The following PTK2 variants were observed in gnomAD, a reference collection of about 807,000 sequenced individuals.
The protein encoded by PTK2 is protein tyrosine kinase 2.
PTK2 carries 45 observed loss-of-function variants against 150.1 expected under a neutral mutation model. That is an observed-to-expected ratio of 0.30 (90% CI 0.24 to 0.38). PTK2 has a LOEUF of 0.38. Ranked by LOEUF, PTK2 falls within the 10% of genes least tolerant of loss-of-function variation. The pLI is 1.00. For missense variants in PTK2, 919 were observed against 1,307.3 expected (o/e 0.70, Z 4.58); for synonymous variants, 432 against 449.2 (o/e 0.96, Z 0.48).
At position 140,799,910 on chromosome 8, in the gene PTK2, T is replaced by C. The variant is rs538229362; in HGVS notation, c.1093+549A>G. Among the ~76,000 whole-genome samples the C allele has an allele frequency of 1.2e-4, 19 of 152,324 alleles. No homozygotes were observed. In the South Asian group the frequency reaches 3.7e-3, roughly 30 times the overall value. On this transcript the variant is annotated intron_variant, in intron 12 of 31. Coordinates refer to ENST00000522684, the Ensembl canonical transcript of PTK2. Reference sequence around the variant, plus strand: ...TATTTTCATTTGATTCTTTCAGAAATCCAAATCCTCAAAAGCATTCCTCAT... The same window carrying C: ...TATTTTCATTTGATTCTTTCAGAAACCCAAATCCTCAAAAGCATTCCTCAT...
At chr8:140,667,462 CTCTCTTTT>C (rs1423942556) in intron 30 of PTK2, among the ~76,000 whole-genome samples, 2 of 96,726 alleles carry the variant, frequency 2.1e-5, no homozygotes, top group Non-Finnish European at 4.6e-5. Flanking sequence ...CTCTCTCTCT[CTCTCTTTT>C]TTTTTTTTTT....
At chr8:140,706,808 G>A (rs2100034064) in intron 23 of PTK2, among the ~76,000 whole-genome samples, 1 of 152,156 alleles carries the variant, frequency 6.6e-6, no homozygotes, top group Non-Finnish European at 1.5e-5. Context: ...AAGTGAGAGA[G>A]TTGCTTGAGC....
chr8:140,988,839 T>C (rs1443465038), intron 1 of PTK2, among the ~76,000 whole-genome samples: 3 of 152,130 alleles, frequency 2.0e-5, no homozygotes, highest in East Asian at 3.9e-4. Context: ...ATAAATGGTG[T>C]TGGGATAACT....
rs2100031474 is a variant in PTK2, at chr8:140,702,746, A to G, written c.2230-39T>C. 2.5e-6 allele frequency: 4 copies of G among 1,602,362 alleles called. No individual in the cohort carries two copies. In the South Asian group the frequency reaches 3.3e-5, roughly 13 times the overall value. The stretch of plus-strand genomic sequence containing the variant: ...AGGAGGCAAGGTAATGTTCAACTAT[A>G]ACATCTGCACAGTTCTGCTTCACAC... On this transcript the variant is annotated intron_variant, in intron 24 of 31. Transcript: ENST00000522684.
chr8:140,879,757 A>C, intron 3 of PTK2, 120 bp from the exon 4 acceptor site: 1 of 841,466 alleles, frequency 1.2e-6, no homozygotes, highest in South Asian at 3.9e-5. Context: ...AAGTAATGCA[A>C]TGTTCATTTC....
intron 26 of PTK2, 131 bp downstream of exon 29, chr8:140,700,760 T>C (rs2100029762): frequency 1.6e-6 from 2 of 1,270,376 alleles, no homozygotes; most frequent in Non-Finnish European, 2.1e-6. Flanking sequence ...GCCTGGCCTA[T>C]TCCAAGTTTT....
rs530804046 is a variant in PTK2 at position 140,684,802 on chromosome 8, G to A, written c.2562+1830C>T. ...ATACCGCCCAAAGTATGGTCGTACC[G>A]CCCAATGGTCATACCGCCCAAAGCT... is the stretch of plus-strand genomic sequence containing the variant. On this transcript the variant is annotated intron_variant, in intron 27 of 31. Coordinates refer to ENST00000522684, the Ensembl canonical transcript of PTK2. Among the ~76,000 whole-genome samples the A allele has an allele frequency of 2.4e-3, 370 of 152,094 alleles. 1 individual carries two copies. The highest frequency in any genetic ancestry group is 4.3e-3 in the Non-Finnish European group (294 of 67,968).
intron 2 of PTK2, among the ~76,000 whole-genome samples, chr8:140,909,382 G>C (rs2100162184): frequency 6.6e-6 from 1 of 152,122 alleles, no homozygotes; most frequent in East Asian, 1.9e-4. Flanking sequence ...TAGATTACAG[G>C]ACAGCTAAAA....
At chr8:140,979,665 C>A (rs2100190652) in intron 1 of PTK2, among the ~76,000 whole-genome samples, 2 of 152,168 alleles carry the variant, frequency 1.3e-5, no homozygotes, top group African/African-American at 4.8e-5. Flanking sequence ...TCCCACAATT[C>A]CTATGTGTTG....
chr8:140,820,076 GTTTTTTTTTTTTTTTTTTTTTTTTTT>G (rs370537018), intron 8 of PTK2, among the ~76,000 whole-genome samples: 32 of 50,256 alleles, frequency 6.4e-4, no homozygotes, highest in East Asian at 2.5e-3. Flanking sequence ...TCTGACTTTG[GTTTTTTTTTTTTTTTTTTTTTTTTTT>G]TTTTTTTTTT....
chr8:140,944,979 C>G (rs1260785833), intron 1 of PTK2, among the ~76,000 whole-genome samples: 1 of 152,150 alleles, frequency 6.6e-6, no homozygotes, highest in African/African-American at 2.4e-5. Context: ...GAAAGTTGTG[C>G]TTACATGCCT....
chr8:140,965,608 G>A (rs1324810696), intron 1 of PTK2, among the ~76,000 whole-genome samples: 1 of 152,192 alleles, frequency 6.6e-6, no homozygotes, highest in African/African-American at 2.4e-5. Flanking sequence ...CAGGCGTGGT[G>A]GCTCACGCCT....
chr8:140,815,035 A>C (rs1420800596), intron 10 of PTK2, among the ~76,000 whole-genome samples: 1 of 152,112 alleles, frequency 6.6e-6, no homozygotes, highest in Non-Finnish European at 1.5e-5. Context: ...TGGCCTCCCA[A>C]AGTGCTGGGA....
At chr8:140,792,981 TAAAC>T (rs1188980541) in intron 13 of PTK2, among the ~76,000 whole-genome samples, 1 of 152,178 alleles carries the variant, frequency 6.6e-6, no homozygotes, top group East Asian at 1.9e-4. Flanking sequence ...AATTAGGAAA[TAAAC>T]AAGAAAATTA....
chr8:140,942,317 C>T (rs916120165), intron 1 of PTK2, among the ~76,000 whole-genome samples: 12 of 152,154 alleles, frequency 7.9e-5, no homozygotes, highest in Admixed American at 2.0e-4. Context: ...TTATTTATAA[C>T]GCTGATAAAA....
intron 1 of PTK2, among the ~76,000 whole-genome samples, chr8:140,926,616 A>G (rs1357600317): frequency 6.6e-6 from 1 of 152,210 alleles, no homozygotes; most frequent in Non-Finnish European, 1.5e-5. Context: ...ATGAATTCAG[A>G]TAAAAGTCAT....
At chr8:140,700,863 CAAAG>C (rs560952495) in intron 26 of PTK2, 24 bp downstream of exon 29, 3 of 1,611,780 alleles carry the variant, frequency 1.9e-6, no homozygotes, top group East Asian at 2.2e-5. Context: ...CTTAAAAAGT[CAAAG>C]AAGCCTTTCA....
intron 3 of PTK2, among the ~76,000 whole-genome samples, chr8:140,883,142 T>G (rs1342069440): frequency 6.6e-6 from 1 of 152,198 alleles, no homozygotes; most frequent in Non-Finnish European, 1.5e-5. Flanking sequence ...TTCACCACTG[T>G]TCGAAATAGG....
intron 15 of PTK2, among the ~76,000 whole-genome samples, chr8:140,763,332 A>T (rs1450274252): frequency 6.6e-6 from 1 of 152,198 alleles, no homozygotes; most frequent in Non-Finnish European, 1.5e-5. Context: ...CTATAGAATA[A>T]GGCACCTATA....
Sources: allele counts gnomAD v4.1 joint callset (sites outside exome capture counted in the v4.1 genomes callset), GRCh38; gene constraint gnomAD v4.1.1; transcripts MANE v1.5; gene names NCBI Gene and HGNC (gene_info 2026-07-23, HGNC 2026-07-21).